BRINP3: variants seen among roughly 807,000 people sequenced by gnomAD.
BRINP3 encodes BMP/retinoic acid inducible neural specific 3.
In BRINP3, 19 loss-of-function variants were observed where a neutral mutation model predicts 71.0. That is an observed-to-expected ratio of 0.27 (90% CI 0.19 to 0.39). BRINP3 has a LOEUF of 0.39. Ranked by LOEUF, BRINP3 falls within the 10% of genes least tolerant of loss-of-function variation. The pLI is 1.00. For missense variants in BRINP3, 959 were observed against 940.8 expected, an observed-to-expected ratio of 1.02 and a Z score of -0.25; for synonymous variants, 380 against 337.7, an observed-to-expected ratio of 1.13 and a Z score of -1.37.
intron 2 of BRINP3, among the ~76,000 whole-genome samples, chr1:190,450,899 T>C (rs1032145900): frequency 7.9e-5 from 12 of 152,252 alleles, no homozygotes; most frequent in African/African-American, 2.6e-4. Context: ...AGTGACCATA[T>C]AGTGGTTTAA....
chr1:190,325,152 A>G (rs1345406897), intron 2 of BRINP3, among the ~76,000 whole-genome samples: 1 of 151,988 alleles, frequency 6.6e-6, no homozygotes, highest in Non-Finnish European at 1.5e-5. Flanking sequence ...TGCTCATATA[A>G]AATGCTGAAG....
chr1:190,226,765 A>G (rs1413650637), intron 5 of BRINP3, among the ~76,000 whole-genome samples: 3 of 151,990 alleles, frequency 2.0e-5, no homozygotes, highest in Non-Finnish European at 1.5e-5. Flanking sequence ...GGGTTGTGCC[A>G]TTGATAAAAT....
intron 2 of BRINP3, among the ~76,000 whole-genome samples, chr1:190,321,406 A>C (rs1467258420): frequency 6.6e-6 from 1 of 152,134 alleles, no homozygotes; most frequent in African/African-American, 2.4e-5. Context: ...TGCATAAAAG[A>C]GGAAGCAAAG....
At chr1:190,233,872 T>G (rs1658250174) in intron 5 of BRINP3, among the ~76,000 whole-genome samples, 1 of 152,194 alleles carries the variant, frequency 6.6e-6, no homozygotes, top group South Asian at 2.1e-4. Flanking sequence ...AATCTATCTT[T>G]AAAATGGAAA....
chr1:190,297,662 C>T (rs572293078), intron 2 of BRINP3, among the ~76,000 whole-genome samples: 1 of 151,202 alleles, frequency 6.6e-6, no homozygotes, highest in South Asian at 2.1e-4. Flanking sequence ...TTCTTTACAC[C>T]GTTCATATTA....
At chr1:190,470,632 T>C (rs1417957546) in intron 1 of BRINP3, among the ~76,000 whole-genome samples, 1 of 151,168 alleles carries the variant, frequency 6.6e-6, no homozygotes, top group African/African-American at 2.4e-5. Flanking sequence ...GAATAGTGAT[T>C]ATTGAAAATA....
chr1:190,108,400 G>C (rs1652376843), intron 7 of BRINP3, among the ~76,000 whole-genome samples: 5 of 151,542 alleles, frequency 3.3e-5, no homozygotes. Context: ...TTTAAGGAAT[G>C]ACAATTCATA....
intron 2 of BRINP3, among the ~76,000 whole-genome samples, chr1:190,446,825 T>G (rs920356652): frequency 6.6e-6 from 1 of 152,000 alleles, no homozygotes; most frequent in Non-Finnish European, 1.5e-5. Flanking sequence ...TTGCTTATAG[T>G]CAAGAGGAAA....
chr1:190,176,644 T>C (rs548221639), intron 6 of BRINP3, among the ~76,000 whole-genome samples: 1 of 152,338 alleles, frequency 6.6e-6, no homozygotes, highest in African/African-American at 2.4e-5. Flanking sequence ...ATTTTGCAGA[T>C]ATAGTTCCTG....
intron 7 of BRINP3, among the ~76,000 whole-genome samples, chr1:190,108,781 C>G (rs116074862): frequency 2.0e-5 from 3 of 151,740 alleles, no homozygotes; most frequent in Non-Finnish European, 2.9e-5. Flanking sequence ...AGACTTCTCA[C>G]TAACCAAAAT....
intron 7 of BRINP3, among the ~76,000 whole-genome samples, chr1:190,101,955 G>C (rs1220235668): frequency 6.6e-6 from 1 of 152,072 alleles, no homozygotes; most frequent in Non-Finnish European, 1.5e-5. Context: ...TTCGGCTGTT[G>C]GATTTCAGCT....
intron 7 of BRINP3, among the ~76,000 whole-genome samples, chr1:190,144,634 C>T (rs891186444): frequency 6.6e-6 from 1 of 151,776 alleles, no homozygotes; most frequent in Non-Finnish European, 1.5e-5. Flanking sequence ...TTTCTTGTTG[C>T]CTGGAAAAAA....
chr1:190,138,528 C>T (rs1655163341), intron 7 of BRINP3, among the ~76,000 whole-genome samples: 1 of 151,986 alleles, frequency 6.6e-6, no homozygotes, highest in Non-Finnish European at 1.5e-5. Context: ...GTAGGAAAAC[C>T]CAAAGAGCTC....
chr1:190,259,296 CA>C (rs1660957389), intron 4 of BRINP3, among the ~76,000 whole-genome samples: 1 of 150,318 alleles, frequency 6.7e-6, no homozygotes, highest in African/African-American at 2.5e-5. Context: ...ACACATTGAC[CA>C]GATGAGATTT....
At chr1:190,374,254 AAC>A (rs887425902) in intron 2 of BRINP3, among the ~76,000 whole-genome samples, 3 of 152,016 alleles carry the variant, frequency 2.0e-5, no homozygotes, top group Non-Finnish European at 4.4e-5. Context: ...AATTGTACAT[AAC>A]ACACACACAT....
chr1:190,131,562 C>G (rs1250861291), intron 7 of BRINP3, among the ~76,000 whole-genome samples: 1 of 151,958 alleles, frequency 6.6e-6, no homozygotes, highest in Non-Finnish European at 1.5e-5. Context: ...TATTTATGCC[C>G]GTCTTCTGTG....
At chr1:190,153,094 C>T (rs1656560124) in intron 7 of BRINP3, among the ~76,000 whole-genome samples, 1 of 152,052 alleles carries the variant, frequency 6.6e-6, no homozygotes, top group Admixed American at 6.6e-5. Flanking sequence ...GGACAATTTT[C>T]CCTACTTTGA....
At chr1:190,302,249 T>C (rs1019157290) in intron 2 of BRINP3, among the ~76,000 whole-genome samples, 1 of 147,574 alleles carries the variant, frequency 6.8e-6, no homozygotes, top group African/African-American at 2.5e-5. Context: ...ATACATAAAT[T>C]TATATATATA....
chr1:190,409,984 C>G (rs1394647044), intron 2 of BRINP3, among the ~76,000 whole-genome samples: 1 of 152,132 alleles, frequency 6.6e-6, no homozygotes, highest in African/African-American at 2.4e-5. Context: ...ATTGGTTTCT[C>G]TCTCTTTTTT....
Sources: gnomAD v4.1 joint callset for allele counts (sites outside exome capture counted in the v4.1 genomes callset) on GRCh38, gnomAD v4.1.1 for gene constraint, MANE v1.5 for transcripts, NCBI Gene and HGNC (gene_info 2026-07-23, HGNC 2026-07-21) for gene names.